Variants in EXOC1 observed in about 807,000 individuals in gnomAD.
The protein encoded by EXOC1 is SEC3-like 1.
A neutral mutation model predicts 107.7 loss-of-function variants in EXOC1; 67 were observed. That is an observed-to-expected ratio of 0.62 (90% CI 0.51 to 0.76). The LOEUF (loss-of-function observed/expected upper bound fraction) is 0.76, where lower values mean the gene tolerates loss of function less well. Ranked by LOEUF, EXOC1 falls within the 30% of genes least tolerant of loss-of-function variation. The probability of loss-of-function intolerance (pLI) is 0.00; values close to 1 mark genes in which losing one functional copy is unlikely to be tolerated. For missense variants in EXOC1, 833 were observed against 1,055.7 expected, an observed-to-expected ratio of 0.79 and a Z score of 2.92; for synonymous variants, 348 against 353.5, an observed-to-expected ratio of 0.98 and a Z score of 0.17.
chr4:55,877,395 G>A (rs945039640), intron 8 of EXOC1: 1 of 985,224 alleles, frequency 1.0e-6, no homozygotes, highest in African/African-American at 1.7e-5. Flanking sequence ...ATTTGAATCT[G>A]CTCCAAGACA....
chr4:55,877,571 A>T, intron 8 of EXOC1: 3 of 985,404 alleles, frequency 3.0e-6, no homozygotes, highest in Non-Finnish European at 3.6e-6. Context: ...AAGCTATATC[A>T]AGAAGGTCAT....
chr4:55,879,739 G>A (rs1471505579), intron 9 of EXOC1, among the ~76,000 whole-genome samples: 5 of 152,000 alleles, frequency 3.3e-5, no homozygotes, highest in African/African-American at 4.8e-5. Context: ...AGTCAAATAC[G>A]TAAATAGCTA....
At chr4:55,871,750 T>G (rs968331129) in intron 7 of EXOC1, 99 bp from the exon 8 acceptor site, 3 of 1,022,034 alleles carry the variant, frequency 2.9e-6, no homozygotes, top group Middle Eastern at 2.1e-4. Flanking sequence ...CATAAAACTT[T>G]TGGGTTCTTC....
At chr4:55,876,021 C>G (rs1722863349) in intron 8 of EXOC1, 1 of 982,442 alleles carries the variant, frequency 1.0e-6, no homozygotes, top group Non-Finnish European at 1.2e-6. Flanking sequence ...CCTGATTATC[C>G]TTCTGGCATC....
At chr4:55,902,802 T>TTGGTTGGTTGAG (rs1290696427) in intron 18 of EXOC1, among the ~76,000 whole-genome samples, 2 of 142,322 alleles carry the variant, frequency 1.4e-5, no homozygotes, top group African/African-American at 5.1e-5. Context: ...GGTTGGTTGG[T>TTGGTTGGTTGAG]TGGTTGAGTG....
At position 55,893,685 on chromosome 4, in the gene EXOC1, G is replaced by A. The variant is rs766483954; in HGVS notation, c.1858G>A (p.Val620Met). ...LYMLVKMSHHVWTAQNVDPAS... is the reference protein window; with the variant it reads ...LYMLVKMSHHMWTAQNVDPAS... ...TATGTTAGTCAAAATGAGTCATCATGTGTGGACTGCACAAAATGTGGACCC... is the reference window on the plus strand; with the variant it reads ...TATGTTAGTCAAAATGAGTCATCATATGTGGACTGCACAAAATGTGGACCC... Residue 620 changes from valine (V) to methionine (M), a missense_variant, in exon 15 of 19, where the codon GTG (valine) becomes ATG (methionine). By Grantham distance (21) the Val-to-Met change is conservative (BLOSUM62 1). Transcript: ENST00000381295. 3.7e-6 allele frequency: 6 copies of A among 1,614,018 alleles called. No individual in the cohort carries two copies. The highest frequency in any genetic ancestry group is 1.6e-4 in the Middle Eastern group (1 of 6,084).
chr4:55,899,958 A>C (rs1385690139), intron 17 of EXOC1, 74 bp downstream of exon 17: 6 of 1,296,880 alleles, frequency 4.6e-6, no homozygotes, highest in Middle Eastern at 2.8e-4. Context: ...AATAACCTGC[A>C]GACATTTATC....
intron 7 of EXOC1, 22 bp downstream of exon 7, chr4:55,871,255 A>G: frequency 6.3e-7 from 1 of 1,595,424 alleles, no homozygotes; most frequent in Non-Finnish European, 8.6e-7. Context: ...AGAAATGACA[A>G]AAATGTGACC....
intron 8 of EXOC1, chr4:55,877,162 C>G (rs1375402027): frequency 4.4e-5 from 43 of 979,126 alleles, no homozygotes; most frequent in Non-Finnish European, 4.7e-5. Flanking sequence ...CTAATGTGTA[C>G]CAACTAGTAT....
intron 9 of EXOC1, chr4:55,883,229 T>C (rs143357439): frequency 8.5e-5 from 13 of 152,266 alleles, no homozygotes; most frequent in African/African-American, 3.1e-4. Context: ...TATTCTTAAG[T>C]GCCATTGACA....
intron 4 of EXOC1, among the ~76,000 whole-genome samples, chr4:55,866,683 G>A (rs1364456609): frequency 2.0e-5 from 3 of 152,124 alleles, no homozygotes; most frequent in Non-Finnish European, 4.4e-5. Flanking sequence ...TAAGAAAAAT[G>A]AACACGGCAA....
intron 12 of EXOC1, among the ~76,000 whole-genome samples, chr4:55,890,738 G>A (rs2109454625): frequency 6.6e-6 from 1 of 152,138 alleles, no homozygotes; most frequent in Admixed American, 6.6e-5. Flanking sequence ...TTTTTTGTTT[G>A]TTTGTTTTTG....
At chr4:55,871,716 T>A in intron 7 of EXOC1, 133 bp from the exon 8 acceptor site, 1 of 690,376 alleles carries the variant, frequency 1.4e-6, no homozygotes, top group Non-Finnish European at 2.4e-6. Context: ...CCTGCTTAAC[T>A]TTTATCATGT....
At chr4:55,862,093 T>C (rs1446874133) in intron 3 of EXOC1, among the ~76,000 whole-genome samples, 1 of 152,208 alleles carries the variant, frequency 6.6e-6, no homozygotes, top group Non-Finnish European at 1.5e-5. Flanking sequence ...AAGTAATTTT[T>C]ATTACCATGG....
Position 55,883,929 on chromosome 4 carries a change from G to A in EXOC1, c.1330+1G>A. 2 of 1,595,708 alleles carry A rather than the reference G, an allele frequency of 1.3e-6. No homozygotes were observed. Among genetic ancestry groups the A allele is most frequent in the Non-Finnish European group, 1.7e-6 (2 of 1,170,818 alleles). On this transcript the variant is annotated splice_donor_variant, in intron 10 of 18. Coordinates refer to ENST00000381295, the MANE Select transcript of EXOC1 (RefSeq NM_001024924.2). LOFTEE classifies it high-confidence loss of function. ...ACAACTAAAGAAAGCAAGAAGTTTG[G>A]TAAGCTTAGGCATGTCAGTTCATTA... is the stretch of plus-strand genomic sequence containing the variant.
chr4:55,858,109 A>G lies in EXOC1; in HGVS notation c.-10-205A>G, dbSNP rs183600095. 8.0e-4 allele frequency among the ~76,000 whole-genome samples: 122 copies of G among 152,322 alleles called. 1 individual carries two copies. Among genetic ancestry groups the G allele is most frequent in the African/African-American group, 2.8e-3 (117 of 41,572 alleles). On this transcript the variant is annotated intron_variant, in intron 1 of 18. Coordinates refer to ENST00000381295, the MANE Select transcript of EXOC1 (RefSeq NM_001024924.2). ...GTGTGTATACTTGGTGAGCATTTCC[A>G]AACATTTTAGAGTTTGATAACACTG...
At chr4:55,870,558 A>G in intron 5 of EXOC1, 120 bp from the exon 6 acceptor site, 1 of 867,086 alleles carries the variant, frequency 1.2e-6, no homozygotes. Context: ...AATTTTTGTT[A>G]TGCTACTTTC....
chr4:55,893,426 A>G (rs1417569822), intron 14 of EXOC1, 126 bp from the exon 15 acceptor site: 1 of 880,816 alleles, frequency 1.1e-6, no homozygotes, highest in Admixed American at 2.8e-5. Flanking sequence ...GGCTATTTAG[A>G]CATTTTTAAT....
At chr4:55,861,589 G>T (rs73238373) in intron 3 of EXOC1, among the ~76,000 whole-genome samples, 8,175 of 152,286 alleles carry the variant, frequency 0.054, 325 homozygotes, top group Non-Finnish European at 0.083. Flanking sequence ...GTATAATTCA[G>T]ATTTCTTCCA....
Sources: allele counts gnomAD v4.1 joint callset (sites outside exome capture counted in the v4.1 genomes callset), GRCh38; gene constraint gnomAD v4.1.1; transcripts MANE v1.5; gene names NCBI Gene and HGNC (gene_info 2026-07-23, HGNC 2026-07-21).